PKIA: variants seen among roughly 807,000 people sequenced by gnomAD.
PKIA encodes PKI-alpha.
A neutral mutation model predicts 7.6 loss-of-function variants in PKIA; 4 were observed. The observed-to-expected ratio is 0.52, with a 90% CI of 0.26 to 1.20. The LOEUF is 1.20. PKIA is among the 50% of genes most tolerant of loss of function. The pLI, the probability that PKIA is intolerant of heterozygous loss-of-function variation, is 0.13. For missense variants in PKIA, 73 were observed against 86.2 expected, an observed-to-expected ratio of 0.85 and a Z score of 0.61; for synonymous variants, 21 against 30.7, an observed-to-expected ratio of 0.68 and a Z score of 1.04.
chr8:78,547,962 C>T (rs965391298), intron 1 of PKIA, among the ~76,000 whole-genome samples: 13 of 151,982 alleles, frequency 8.6e-5, no homozygotes, highest in Non-Finnish European at 1.8e-4. Context: ...AGGAGAAGTA[C>T]CTCTCTAGGT....
At chr8:78,574,003 A>G (rs1807616657) in intron 2 of PKIA, among the ~76,000 whole-genome samples, 1 of 152,010 alleles carries the variant, frequency 6.6e-6, no homozygotes, top group Admixed American at 6.6e-5. Context: ...AATAATTTAC[A>G]TCTTATCCTT....
At chr8:78,561,823 A>C (rs775894342) in intron 1 of PKIA, among the ~76,000 whole-genome samples, 1 of 152,210 alleles carries the variant, frequency 6.6e-6, no homozygotes, top group Non-Finnish European at 1.5e-5. Context: ...TTCATGTAAC[A>C]TGGGATAATG....
At chr8:78,573,604 A>G (rs1807607018) in intron 2 of PKIA, among the ~76,000 whole-genome samples, 1 of 152,054 alleles carries the variant, frequency 6.6e-6, no homozygotes, top group Admixed American at 6.6e-5. Context: ...CAGTAACATC[A>G]TAATAAGTGG....
At chr8:78,582,357 T>G (rs569731942) in intron 2 of PKIA, among the ~76,000 whole-genome samples, 1 of 152,096 alleles carries the variant, frequency 6.6e-6, no homozygotes, top group Non-Finnish European at 1.5e-5. Flanking sequence ...GGAAGGCACC[T>G]CTTCACAGGG....
intron 1 of PKIA, among the ~76,000 whole-genome samples, chr8:78,568,675 C>T (rs1807476134): frequency 6.6e-6 from 1 of 152,120 alleles, no homozygotes; most frequent in African/African-American, 2.4e-5. Context: ...ACAGGAGCCT[C>T]CATTCCATAA....
chr8:78,594,792 C>T (rs1808191944), intron 2 of PKIA, among the ~76,000 whole-genome samples: 1 of 152,028 alleles, frequency 6.6e-6, no homozygotes, highest in Admixed American at 6.6e-5. Context: ...GTCAATTCAT[C>T]CGAAAAAGAA....
chr8:78,564,820 G>A (rs924688053), intron 1 of PKIA, among the ~76,000 whole-genome samples: 1 of 151,788 alleles, frequency 6.6e-6, no homozygotes, highest in Non-Finnish European at 1.5e-5. Context: ...AGACTATCTA[G>A]CAAAATAGAA....
In PKIA at chr8:78,526,691, G is replaced by A. The variant is rs897848220; in HGVS notation, c.-157+10223G>A. Among the ~76,000 whole-genome samples, 4 of 151,708 alleles carry A rather than the reference G, an allele frequency of 2.6e-5. No homozygotes were observed. In the East Asian group the frequency reaches 7.7e-4, roughly 29 times the overall value. ...AGCCCGAAGAATTTACAGAGACCGTGCAAGCATTATTATTCAGGGACTTGT... is the reference window on the plus strand; with the variant it reads ...AGCCCGAAGAATTTACAGAGACCGTACAAGCATTATTATTCAGGGACTTGT... On this transcript the variant is annotated intron_variant, in intron 1 of 3. Transcript: ENST00000396418.
At chr8:78,573,371 T>C (rs976202688) in intron 2 of PKIA, among the ~76,000 whole-genome samples, 1 of 152,018 alleles carries the variant, frequency 6.6e-6, no homozygotes, top group Non-Finnish European at 1.5e-5. Flanking sequence ...GGAAGTTGTT[T>C]TGGTTCCTAT....
Position 78,602,600 on chromosome 8 carries a change from A to C in PKIA, c.*779A>C, listed in dbSNP as rs1166314666. On this transcript the variant is annotated 3_prime_UTR_variant, in exon 4 of 4. Transcript: ENST00000396418. ...CATTTGAAAATATCCATTAATGTGA[A>C]TATCACCTGAATTCAGTCTGTTTGG... 6.6e-6 allele frequency: 1 copy of C among 151,970 alleles called. No homozygotes were observed. The highest frequency in any genetic ancestry group is 2.1e-4 in the South Asian group (1 of 4,812). 9.4% of individuals were successfully genotyped at this position (151,970 alleles called of 1,614,324 possible). A position where few individuals can be genotyped will look rare whatever the true frequency, so the allele number is the denominator to read the frequency against.
At chr8:78,521,624 TAA>T (rs1809418969) in intron 1 of PKIA, among the ~76,000 whole-genome samples, 2 of 152,038 alleles carry the variant, frequency 1.3e-5, no homozygotes, top group South Asian at 2.1e-4. Flanking sequence ...TATAACTATA[TAA>T]GTGTCTAAAA....
intron 1 of PKIA, among the ~76,000 whole-genome samples, chr8:78,524,423 A>G (rs967204237): frequency 6.6e-6 from 1 of 151,484 alleles, no homozygotes; most frequent in African/African-American, 2.4e-5. Context: ...CAAGGAAGTG[A>G]GTAGTTCTTG....
At chr8:78,556,100 A>G (rs186275206) in intron 1 of PKIA, among the ~76,000 whole-genome samples, 8 of 152,218 alleles carry the variant, frequency 5.3e-5, no homozygotes, top group Admixed American at 3.9e-4. Flanking sequence ...AAAGAAATTG[A>G]TCTTACTACC....
At position 78,602,713 on chromosome 8, in the gene PKIA, A is replaced by ATATATATATATATATATT. The variant is rs1554584766; in HGVS notation, c.*893_*894insATATATATATATATATTT. 54 of 147,938 alleles carry ATATATATATATATATATT rather than the reference A, an allele frequency of 3.7e-4. 1 individual carries two copies. Among genetic ancestry groups the ATATATATATATATATATT allele is most frequent in the African/African-American group, 1.3e-3 (54 of 40,024 alleles). The allele number at this position is 147,938 out of a possible 1,614,324, so 9.2% of individuals were successfully genotyped here. On this transcript the variant is annotated 3_prime_UTR_variant, in exon 4 of 4. Coordinates refer to ENST00000396418, the MANE Select transcript of PKIA (RefSeq NM_006823.4). Reference sequence around the variant, plus strand: ...CCACATAATATATATATATATATATATTTTAATTTATGAGAATTTTGGACA... The same window carrying ATATATATATATATATATT: ...CCACATAATATATATATATATATATATATATATATATATATATTTTTTAATTTATGAGAATTTTGGACA...
At chr8:78,541,124 C>G (rs917880357) in intron 1 of PKIA, among the ~76,000 whole-genome samples, 1 of 152,108 alleles carries the variant, frequency 6.6e-6, no homozygotes, top group African/African-American at 2.4e-5. Flanking sequence ...ATGAATCCAT[C>G]TACTATCATC....
chr8:78,596,364 T>C (rs1563594566), intron 2 of PKIA, among the ~76,000 whole-genome samples: 1 of 152,082 alleles, frequency 6.6e-6, no homozygotes. Flanking sequence ...TTCAGCCTCT[T>C]GAGTAGCTGG....
At chr8:78,544,632 T>C (rs1232064943) in intron 1 of PKIA, among the ~76,000 whole-genome samples, 2 of 152,172 alleles carry the variant, frequency 1.3e-5, no homozygotes, top group African/African-American at 2.4e-5. Context: ...TTGAAAGCCA[T>C]AAAAATACTT....
intron 1 of PKIA, among the ~76,000 whole-genome samples, chr8:78,557,599 G>T (rs1247123587): frequency 6.6e-6 from 1 of 152,124 alleles, no homozygotes; most frequent in Non-Finnish European, 1.5e-5. Context: ...TTAATTACTT[G>T]GCTGTCAGCT....
intron 1 of PKIA, among the ~76,000 whole-genome samples, chr8:78,568,804 TA>T (rs1239207858): frequency 1.3e-5 from 2 of 152,100 alleles, no homozygotes; most frequent in Admixed American, 1.3e-4. Flanking sequence ...ACCTCTCCAG[TA>T]AAACCCTAAT....
Sources: allele counts gnomAD v4.1 joint callset (sites outside exome capture counted in the v4.1 genomes callset), GRCh38; gene constraint gnomAD v4.1.1; transcripts MANE v1.5; gene names NCBI Gene and HGNC (gene_info 2026-07-23, HGNC 2026-07-21).